Variants in F5 observed in about 807,000 individuals in gnomAD.
F5 encodes coagulation factor V.
A neutral mutation model predicts 216.4 loss-of-function variants in F5; 138 were observed. That is an observed-to-expected ratio of 0.64 (90% CI 0.56 to 0.73). The LOEUF (loss-of-function observed/expected upper bound fraction) is 0.73. Among genes scored for constraint, F5 ranks in the 30% least tolerant of loss-of-function variants. F5 has a pLI of 0.00. For synonymous variants in F5, 916 were observed against 930.7 expected (o/e 0.98, Z 0.29); for missense variants, 2,403 against 2,674.0 (o/e 0.90, Z 2.24).
intron 2 of F5, among the ~76,000 whole-genome samples, chr1:169,577,821 A>G (rs989085107): frequency 6.6e-6 from 1 of 151,624 alleles, no homozygotes; most frequent in South Asian, 2.1e-4. Flanking sequence ...AATGTCCACA[A>G]ACCTTATTGG....
Position 169,542,133 on chromosome 1 carries a change from G to T in F5, c.2957C>A (p.Thr986Asn). ...QNASRAWGES[T>N]PLANKPGKQS... is the part of the protein sequence containing the mutation. The stretch of plus-strand genomic sequence containing the variant: ...CTTTCCAGGCTTGTTGGCAAGAGGG[G>T]TGCTTTCTCCCCAAGCACGTGAGGC... The change falls in exon 13 of 25, where the codon ACC becomes AAC. Residue 986 changes from threonine to asparagine, a missense_variant. Thr to Asn is a moderately conservative substitution (Grantham distance 65). Transcript: ENST00000367797. 1 of 1,614,042 alleles carries T rather than the reference G, an allele frequency of 6.2e-7. No individual in the cohort carries two copies.
At position 169,560,588 on chromosome 1, in the gene F5, C is replaced by G. The variant is rs6022; in HGVS notation, c.552G>C (p.Ser184=). ...AGATAAGCAGGGGCCCAATCAGCCC[C>G]GAGTTGAAATCCTCGATCAGATTTT... ...SHENLIEDFN[S]GLIGPLLICK... The change falls in exon 4 of 25, where the codon TCG becomes TCC. Residue 184 remains serine (S), a synonymous_variant. Coordinates refer to ENST00000367797, the MANE Select transcript of F5 (RefSeq NM_000130.5). The G allele has an allele frequency of 1.9e-6, 3 of 1,613,280 alleles. No homozygotes were observed. Among genetic ancestry groups the G allele is most frequent in the Non-Finnish European group, 2.5e-6 (3 of 1,179,654 alleles).
intron 2 of F5, among the ~76,000 whole-genome samples, chr1:169,575,933 G>C (rs1273579906): frequency 1.3e-5 from 2 of 152,124 alleles, no homozygotes; most frequent in Admixed American, 1.3e-4. Flanking sequence ...TGTCCAGGTG[G>C]ATCCCATGTA....
chr1:169,580,074 G>C (rs1019066896), intron 2 of F5, among the ~76,000 whole-genome samples: 1 of 151,932 alleles, frequency 6.6e-6, no homozygotes, highest in African/African-American at 2.4e-5. Flanking sequence ...TCTGTGCCTT[G>C]GTTTAAAATG....
chr1:169,566,860 T>G (rs1427727410), intron 3 of F5, among the ~76,000 whole-genome samples: 2 of 152,054 alleles, frequency 1.3e-5, no homozygotes, highest in African/African-American at 2.4e-5. Context: ...TCTTTCCCAG[T>G]CATGTTGCAA....
At chr1:169,521,382 C>T (rs1159060859) in intron 21 of F5, among the ~76,000 whole-genome samples, 1 of 152,186 alleles carries the variant, frequency 6.6e-6, no homozygotes, top group African/African-American at 2.4e-5. Flanking sequence ...GGGAACTTCC[C>T]TTCCCACCCA....
At chr1:169,530,430 G>A (rs1659566237) in intron 15 of F5, among the ~76,000 whole-genome samples, 1 of 152,170 alleles carries the variant, frequency 6.6e-6, no homozygotes, top group Admixed American at 6.5e-5. Context: ...GTCAGATAAA[G>A]GAGTCTTGAC....
intron 10 of F5, among the ~76,000 whole-genome samples, chr1:169,548,148 C>G (rs1208734356): frequency 6.6e-6 from 1 of 152,036 alleles, no homozygotes; most frequent in African/African-American, 2.4e-5. Flanking sequence ...TATGAGAACA[C>G]ATGGACACAT....
At chr1:169,577,907 G>A (rs990562274) in intron 2 of F5, among the ~76,000 whole-genome samples, 1 of 152,024 alleles carries the variant, frequency 6.6e-6, no homozygotes, top group African/African-American at 2.4e-5. Flanking sequence ...AATAGTTCAT[G>A]CTGCAGGAGT....
Position 169,542,237 on chromosome 1 carries a change from A to G in F5, c.2853T>C (p.Ser951=), listed in dbSNP as rs368663816. 1 of 1,613,986 alleles carries G rather than the reference A, an allele frequency of 6.2e-7. No individual in the cohort carries two copies. The highest frequency in any genetic ancestry group is 8.5e-7 in the Non-Finnish European group (1 of 1,180,000). The part of the protein sequence containing the change: ...KILVGRWHLA[S]EKGSYEIIQD... ...GGATTATTTCATAGCTACCTTTCTC[A>G]GAAGCCAAATGCCATCTCCCAACCA... is the stretch of plus-strand genomic sequence containing the variant. The change falls in exon 13 of 25, where the codon TCT becomes TCC. Residue 951 remains serine, a synonymous_variant. Coordinates refer to ENST00000367797, the MANE Select transcript of F5 (RefSeq NM_000130.5).
Position 169,586,289 on chromosome 1 carries a change from T to A in F5, c.98A>T (p.Gln33Leu). 1.2e-6 allele frequency: 2 copies of A among 1,614,198 alleles called. No homozygotes were observed. The highest frequency in any genetic ancestry group is 1.7e-6 in the Non-Finnish European group (2 of 1,180,030). ...SQGTEAAQLR[Q>L]FYVAAQGISW... ...GATGCCCTGAGCAGCCACGTAGAAC[T>A]GCCTTAGCTGTGCCGCTTCTGTCCC... Residue 33 changes from glutamine (Q) to leucine (L), a missense_variant, in exon 1 of 25, where the codon CAG becomes CTG. Around this residue, in one of 4 missense-constraint regions of F5, gnomAD observed 1,425 missense variants for 1,554.8 expected, o/e 0.92. Transcript: ENST00000367797.
rs1364463988 is a variant in F5, at chr1:169,542,546, A to T, written c.2544T>A (p.Arg848=). Residue 848 remains arginine (R), a synonymous_variant, in exon 13 of 25, where the codon CGT becomes CGA. Transcript: ENST00000367797. Reference sequence around the variant, plus strand: ...ATTCTCCAGCACCAAGTGAAAGTAGACGTATCCCTGTGACATCTGGCTGTA... The same window carrying T: ...ATTCTCCAGCACCAAGTGAAAGTAGTCGTATCCCTGTGACATCTGGCTGTA... ...DPLQPDVTGI[R]LLSLGAGEFK... is the part of the protein sequence containing the mutation. The T allele has an allele frequency of 6.2e-7, 1 of 1,614,048 alleles. No homozygotes were observed. The highest frequency in any genetic ancestry group is 8.5e-7 in the Non-Finnish European group (1 of 1,179,954).
chr1:169,540,876 T>C lies in F5; in HGVS notation c.4214A>G (p.Asp1405Gly), dbSNP rs1479772507. 1 of 1,611,214 alleles carries C rather than the reference T, an allele frequency of 6.2e-7. No homozygotes were observed. Among genetic ancestry groups the C allele is most frequent in the African/African-American group, 1.3e-5 (1 of 74,876 alleles). Residue 1405 changes from aspartate to glycine, a missense_variant, in exon 13 of 25, where the codon GAC (aspartate) becomes GGC (glycine). Around this residue, in one of 4 missense-constraint regions of F5, gnomAD observed 293 missense variants for 270.8 expected, o/e 1.08. Coordinates refer to ENST00000367797, the MANE Select transcript of F5 (RefSeq NM_000130.5). Reference protein sequence around the residue: ...ADLSQIPLTPDLDQMTLSPDL... With the variant: ...ADLSQIPLTPGLDQMTLSPDL... ...TGGAGAAAGTGTCATCTGGTCGAGG[T>C]CTGGGGTAAGGGGAATTTGACTGAG... is the stretch of plus-strand genomic sequence containing the variant.
chr1:169,566,203 A>G (rs894514944), intron 3 of F5, among the ~76,000 whole-genome samples: 2 of 152,070 alleles, frequency 1.3e-5, no homozygotes, highest in Non-Finnish European at 2.9e-5. Flanking sequence ...GCTTCTTGCT[A>G]CATGGCCTCA....
intron 9 of F5, among the ~76,000 whole-genome samples, chr1:169,550,326 C>G (rs1660139923): frequency 7.4e-6 from 1 of 134,540 alleles, no homozygotes; most frequent in South Asian, 2.6e-4. Context: ...GTGATGTTCC[C>G]CATCCTGTGT....
intron 18 of F5, among the ~76,000 whole-genome samples, chr1:169,525,265 G>T (rs968601513): frequency 6.6e-6 from 1 of 152,138 alleles, no homozygotes; most frequent in African/African-American, 2.4e-5. Flanking sequence ...GGGAGGCCGA[G>T]GGGGGAGGAT....
intron 21 of F5, among the ~76,000 whole-genome samples, chr1:169,522,959 A>G (rs1659345629): frequency 6.6e-6 from 1 of 152,182 alleles, no homozygotes. Flanking sequence ...TTTGATGATA[A>G]AATGATTTTT....
chr1:169,567,399 A>G (rs1274800006), intron 3 of F5, among the ~76,000 whole-genome samples: 1 of 149,778 alleles, frequency 6.7e-6, no homozygotes, highest in African/African-American at 2.5e-5. Context: ...AAAATCTCCC[A>G]AAGGCCCCAC....
rs749880421 is a variant in F5, at chr1:169,555,255, T to A, written c.1045A>T (p.Arg349Trp). Residue 349 changes from arginine to tryptophan, a missense_variant, in exon 7 of 25, where the codon AGG becomes TGG. By Grantham distance (101) the Arg-to-Trp change is moderately radical. Transcript: ENST00000367797. Reference sequence around the variant, plus strand: ...TCTGCAGCAATGAAGTATTCCCACCTCTTCATGTGCCGCCTCTGCTCACGA... The same window carrying A: ...TCTGCAGCAATGAAGTATTCCCACCACTTCATGTGCCGCCTCTGCTCACGA... Reference protein sequence around the residue: ...ITREQRRHMKRWEYFIAAEEV... With the variant: ...ITREQRRHMKWWEYFIAAEEV... 8 of 1,613,962 alleles carry A rather than the reference T, an allele frequency of 5.0e-6. No individual in the cohort carries two copies. The South Asian group carries it at 8.8e-5, about 18-fold the overall frequency.
Sources: allele counts gnomAD v4.1 joint callset (sites outside exome capture counted in the v4.1 genomes callset), GRCh38; gene constraint gnomAD v4.1.1; regional missense constraint gnomAD v4.1.1; transcripts MANE v1.5; gene names NCBI Gene and HGNC (gene_info 2026-07-23, HGNC 2026-07-21).